The following BCR variants were observed in gnomAD, a reference collection of about 807,000 sequenced individuals.
BCR encodes BCR activator of RhoGEF and GTPase, also known as breakpoint cluster region protein.
A neutral mutation model predicts 138.6 loss-of-function variants in BCR; 58 were observed. The observed-to-expected ratio is 0.42, with a 90% CI of 0.34 to 0.52. The LOEUF (loss-of-function observed/expected upper bound fraction) is 0.52, where lower values mean the gene tolerates loss of function less well. Ranked by LOEUF, BCR falls within the 20% of genes least tolerant of loss-of-function variation. The probability of loss-of-function intolerance (pLI) is 0.06; values close to 1 mark genes in which losing one functional copy is unlikely to be tolerated. For synonymous variants in BCR, 786 were observed against 730.1 expected (o/e 1.08, Z -1.23); for missense variants, 1,599 against 1,727.2 (o/e 0.93, Z 1.32).
chr22:23,274,948 T>G (rs2073557666), intron 8 of BCR, among the ~76,000 whole-genome samples: 1 of 148,190 alleles, frequency 6.7e-6, no homozygotes, highest in South Asian at 2.1e-4. Context: ...CACCTCCTTC[T>G]CTTTCTTCTG....
At chr22:23,314,317 A>G (rs978567348) in intron 21 of BCR, among the ~76,000 whole-genome samples, 2 of 152,140 alleles carry the variant, frequency 1.3e-5, no homozygotes, top group Admixed American at 1.3e-4. Flanking sequence ...CCAGCAGTGC[A>G]CTTGGACCCC....
At chr22:23,232,911 T>C (rs1242673159) in intron 1 of BCR, among the ~76,000 whole-genome samples, 2 of 152,190 alleles carry the variant, frequency 1.3e-5, no homozygotes, top group Admixed American at 1.3e-4. Context: ...CTTTGTTGGG[T>C]AAATGCAAAT....
At chr22:23,188,140 T>A (rs985884097) in intron 1 of BCR, among the ~76,000 whole-genome samples, 1 of 152,118 alleles carries the variant, frequency 6.6e-6, no homozygotes, top group Non-Finnish European at 1.5e-5. Flanking sequence ...GAGTACAGGC[T>A]CCTTTCCATG....
intron 9 of BCR, among the ~76,000 whole-genome samples, chr22:23,284,357 C>T (rs75644063): frequency 0.026 from 3,901 of 152,096 alleles, 77 homozygotes; most frequent in African/African-American, 0.028. Context: ...GAAAGGTCAC[C>T]TCAGGACCCA....
In BCR at chr22:23,247,284, G is replaced by A. The variant is rs906174948; in HGVS notation, c.1280-6515G>A. ...TCCACCACAGCTGGCCGAGCCACCG[G>A]ATGTTTGATCTCCTTTTACCTTTGT... On this transcript the variant is annotated intron_variant, in intron 1 of 22. Transcript: ENST00000305877. 8.5e-5 allele frequency among the ~76,000 whole-genome samples: 13 copies of A among 152,194 alleles called. 1 individual carries two copies. The highest frequency in any genetic ancestry group is 1.8e-4 in the Non-Finnish European group (12 of 68,030).
chr22:23,275,484 GA>G (rs1478816604), intron 8 of BCR, among the ~76,000 whole-genome samples: 3 of 152,242 alleles, frequency 2.0e-5, no homozygotes, highest in Non-Finnish European at 4.4e-5. Flanking sequence ...ATTGAAGGCG[GA>G]AGTGGGTCCC....
chr22:23,251,832 G>A (rs1253064571), intron 1 of BCR, among the ~76,000 whole-genome samples: 3 of 152,336 alleles, frequency 2.0e-5, no homozygotes, highest in Admixed American at 6.5e-5. Context: ...TGGAAGGAGT[G>A]GAGAAGGGAT....
intron 1 of BCR, among the ~76,000 whole-genome samples, chr22:23,221,461 C>A (rs1277040690): frequency 6.6e-6 from 1 of 152,204 alleles, no homozygotes; most frequent in African/African-American, 2.4e-5. Flanking sequence ...TCCCTTAGGA[C>A]CAGAGCAGGT....
chr22:23,263,247 T>G (rs2073392279), intron 4 of BCR: 4 of 1,051,632 alleles, frequency 3.8e-6, no homozygotes, highest in Non-Finnish European at 5.6e-6. Flanking sequence ...GCTGCACATG[T>G]GCTCCTACCT....
chr22:23,283,596 G>C (rs1602101979), intron 8 of BCR: 3 of 170,382 alleles, frequency 1.8e-5, no homozygotes, highest in Non-Finnish European at 3.7e-5. Context: ...AGAGGCACTG[G>C]CTTCCCTGTT....
intron 2 of BCR, among the ~76,000 whole-genome samples, chr22:23,255,892 C>T (rs530259303): frequency 2.0e-4 from 30 of 152,340 alleles, no homozygotes; most frequent in African/African-American, 6.5e-4. Context: ...ATCCCAAGCA[C>T]GCCCCTTGGC....
At position 23,218,927 on chromosome 22, in the gene BCR, G is replaced by A. The variant is rs561159168; in HGVS notation, c.1280-34872G>A. Among the ~76,000 whole-genome samples the A allele has an allele frequency of 4.6e-5, 7 of 152,352 alleles. No homozygotes were observed. In the South Asian group the frequency reaches 8.3e-4, roughly 18 times the overall value. ...CTTGCCGAGGGTGAGGTCGCAGCCCGGCCCTGCTCAGGGAGGAAGCGGTGT... is the reference window on the plus strand; with the variant it reads ...CTTGCCGAGGGTGAGGTCGCAGCCCAGCCCTGCTCAGGGAGGAAGCGGTGT... On this transcript the variant is annotated intron_variant, in intron 1 of 22. Transcript: ENST00000305877.
intron 1 of BCR, among the ~76,000 whole-genome samples, chr22:23,206,920 ATCCC>A (rs2072621720): frequency 7.0e-6 from 1 of 143,844 alleles, no homozygotes; most frequent in Non-Finnish European, 1.5e-5. Context: ...AAATCTATTC[ATCCC>A]TCTGTCATCC....
intron 1 of BCR, among the ~76,000 whole-genome samples, chr22:23,218,612 C>T (rs962245379): frequency 8.5e-5 from 13 of 152,200 alleles, no homozygotes; most frequent in African/African-American, 3.1e-4. Context: ...TGTTCTTCAG[C>T]TGTGGGACTC....
At chr22:23,225,053 C>T (rs888265868) in intron 1 of BCR, among the ~76,000 whole-genome samples, 5 of 151,552 alleles carry the variant, frequency 3.3e-5, no homozygotes, top group Non-Finnish European at 5.9e-5. Context: ...GAGGGGTGTC[C>T]AAGCAGGAGG....
rs75852711 is a variant in BCR, at chr22:23,241,249, C to G, written c.1280-12550C>G. Among the ~76,000 whole-genome samples the G allele has an allele frequency of 8.9e-3, 1,359 of 152,336 alleles. 19 individuals are homozygous for G. The highest frequency in any genetic ancestry group is 0.031 in the African/African-American group (1,295 of 41,582). ...TGGTTTGCCTGCCCTCCCAGGCTTG[C>G]TGGGTGTCTGCCCGTGGCTGGGCCC... On this transcript the variant is annotated intron_variant, in intron 1 of 22. Coordinates refer to ENST00000305877, the MANE Select transcript of BCR (RefSeq NM_004327.4).
At position 23,181,711 on chromosome 22, in the gene BCR, T is replaced by C. The variant is rs750333224; in HGVS notation, c.751T>C (p.Leu251=). The change falls in exon 1 of 23, where the codon TTG becomes CTG. Residue 251 remains leucine, a synonymous_variant. Coordinates refer to ENST00000305877, the MANE Select transcript of BCR (RefSeq NM_004327.4). ...CGACGGCGACTACGAGGACGCCGAGTTGAACCCCCGCTTCCTGAAGGACAA... is the reference window on the plus strand; with the variant it reads ...CGACGGCGACTACGAGGACGCCGAGCTGAACCCCCGCTTCCTGAAGGACAA... ...GVDGDYEDAE[L]NPRFLKDNLI... is the part of the protein sequence containing the mutation. 1.1e-4 allele frequency: 176 copies of C among 1,603,804 alleles called. No individual in the cohort carries two copies. Among genetic ancestry groups the C allele is most frequent in the Non-Finnish European group, 1.5e-4 (175 of 1,179,894 alleles).
chr22:23,181,626 C>A lies in BCR; in HGVS notation c.666C>A (p.Ser222Arg). Residue 222 changes from serine (S) to arginine (R), a missense_variant, in exon 1 of 23, where the codon AGC becomes AGA. Physicochemically the swap from Ser to Arg is moderately radical, Grantham distance 110. Around this residue, in one of 4 missense-constraint regions of BCR, gnomAD observed 806 missense variants for 635.0 expected, o/e 1.27. Coordinates refer to ENST00000305877, the MANE Select transcript of BCR (RefSeq NM_004327.4). ...RKKSQHGAGS[S>R]VGDASRPPYR... is the part of the protein sequence containing the mutation. ...AGTCCCAGCACGGCGCGGGCTCGAG[C>A]GTGGGGGATGCATCCAGGCCCCCTT... 2.5e-6 allele frequency: 4 copies of A among 1,611,302 alleles called. No individual in the cohort carries two copies. The highest frequency in any genetic ancestry group is 3.4e-6 in the Non-Finnish European group (4 of 1,179,960).
intron 4 of BCR, chr22:23,263,733 CT>C: frequency 7.0e-7 from 1 of 1,427,588 alleles, no homozygotes; most frequent in Non-Finnish European, 9.9e-7. Flanking sequence ...AGGAGGTGAA[CT>C]GTGTGGATTG....
Sources: allele counts gnomAD v4.1 joint callset (sites outside exome capture counted in the v4.1 genomes callset), GRCh38; gene constraint gnomAD v4.1.1; regional missense constraint gnomAD v4.1.1; transcripts MANE v1.5; gene names NCBI Gene and HGNC (gene_info 2026-07-23, HGNC 2026-07-21).